Variants in DTWD2 observed in about 807,000 individuals in gnomAD.
DTWD2 encodes DTW motif tRNA-uridine aminocarboxypropyltransferase 2.
A neutral mutation model predicts 31.8 loss-of-function variants in DTWD2; 39 were observed. The observed-to-expected ratio is 1.22, with a 90% CI of 0.95 to 1.60. The LOEUF (loss-of-function observed/expected upper bound fraction) is 1.60, where lower values mean the gene tolerates loss of function less well. Ranked by LOEUF, DTWD2 falls within the 40% of genes most tolerant of loss-of-function variation. The probability of loss-of-function intolerance (pLI) is 0.00; values close to 1 mark genes in which losing one functional copy is unlikely to be tolerated. For synonymous variants in DTWD2, 180 were observed against 142.8 expected (o/e 1.26, Z -1.86); for missense variants, 515 against 381.5 (o/e 1.35, Z -2.92).
chr5:118,867,973 T>G (rs1452078486), intron 4 of DTWD2, among the ~76,000 whole-genome samples: 1 of 152,082 alleles, frequency 6.6e-6, no homozygotes, highest in Admixed American at 6.6e-5. Context: ...GTCAAAGCAA[T>G]CTTGAAAAAG....
At chr5:118,948,004 TAATA>T (rs1754378031) in intron 1 of DTWD2, among the ~76,000 whole-genome samples, 1 of 152,190 alleles carries the variant, frequency 6.6e-6, no homozygotes, top group African/African-American at 2.4e-5. Flanking sequence ...TGATGAATGA[TAATA>T]TATATTATAA....
At chr5:118,968,761 A>G (rs1415317402) in intron 1 of DTWD2, among the ~76,000 whole-genome samples, 1 of 152,206 alleles carries the variant, frequency 6.6e-6, no homozygotes, top group Non-Finnish European at 1.5e-5. Context: ...GAATTCCAGC[A>G]AGGCGGGAAA....
intron 4 of DTWD2, among the ~76,000 whole-genome samples, chr5:118,863,769 C>G (rs1245730461): frequency 6.6e-6 from 1 of 152,008 alleles, no homozygotes; most frequent in Admixed American, 6.6e-5. Flanking sequence ...ACCTAATAGG[C>G]CTTTAATAAA....
intron 4 of DTWD2, among the ~76,000 whole-genome samples, chr5:118,904,014 T>C (rs1401036492): frequency 2.0e-5 from 3 of 152,054 alleles, no homozygotes; most frequent in Non-Finnish European, 4.4e-5. Flanking sequence ...TAATGTACAC[T>C]ATAGTGTCTG....
chr5:118,984,543 G>A (rs1161073641), intron 1 of DTWD2, among the ~76,000 whole-genome samples: 1 of 152,026 alleles, frequency 6.6e-6, no homozygotes, highest in Non-Finnish European at 1.5e-5. Context: ...TCTAGGCCTA[G>A]TATGTGCCTG....
chr5:118,920,964 A>G (rs2149575252), intron 4 of DTWD2, among the ~76,000 whole-genome samples: 1 of 152,296 alleles, frequency 6.6e-6, no homozygotes. Context: ...GGAAGTAGGG[A>G]GGCAGAGAAC....
At chr5:118,969,422 T>C (rs977694137) in intron 1 of DTWD2, among the ~76,000 whole-genome samples, 14 of 152,138 alleles carry the variant, frequency 9.2e-5, no homozygotes, top group African/African-American at 2.9e-4. Flanking sequence ...TACAGGAGCA[T>C]TCAGGCCAAC....
Position 118,971,452 on chromosome 5 carries a change from C to T in DTWD2, c.218+16842G>A, listed in dbSNP as rs149069334. 7.0e-3 allele frequency among the ~76,000 whole-genome samples: 1,063 copies of T among 152,262 alleles called. 15 individuals are homozygous for T. Among genetic ancestry groups the T allele is most frequent in the African/African-American group, 0.024 (986 of 41,552 alleles). On this transcript the variant is annotated intron_variant, in intron 1 of 5. Coordinates refer to ENST00000510708, the MANE Select transcript of DTWD2 (RefSeq NM_173666.4). ...GAGCTAACTATCCTAAATATATATG[C>T]ACCCAATACAGTAGCACCCAGATTC...
rs191206843 is a variant in DTWD2, at chr5:118,889,427, A to G, written c.597+39110T>C. 8.2e-4 allele frequency among the ~76,000 whole-genome samples: 125 copies of G among 152,340 alleles called. No individual in the cohort carries two copies. The East Asian group carries it at 0.01, about 13-fold the overall frequency. Reference sequence around the variant, plus strand: ...ATTCGAGACAGCTATAAAAATGAATAAAGAAGCTCTTCATATACAGACACA... The same window carrying G: ...ATTCGAGACAGCTATAAAAATGAATGAAGAAGCTCTTCATATACAGACACA... On this transcript the variant is annotated intron_variant, in intron 4 of 5. Coordinates refer to ENST00000510708, the MANE Select transcript of DTWD2 (RefSeq NM_173666.4).
chr5:118,926,456 C>T lies in DTWD2; in HGVS notation c.597+2081G>A, dbSNP rs183815251. Among the ~76,000 whole-genome samples, 17 of 152,062 alleles carry T rather than the reference C, an allele frequency of 1.1e-4. No individual in the cohort carries two copies. The South Asian group carries it at 1.2e-3, about 11-fold the overall frequency. The stretch of plus-strand genomic sequence containing the variant: ...GGTACAGTGTACACTGCTCAGGTGA[C>T]GGGTGCACTAAAATCTCAGAATTCA... On this transcript the variant is annotated intron_variant, in intron 4 of 5. Transcript: ENST00000510708.
intron 1 of DTWD2, among the ~76,000 whole-genome samples, chr5:118,981,102 A>G (rs2149603883): frequency 6.6e-6 from 1 of 152,346 alleles, no homozygotes; most frequent in Middle Eastern, 3.4e-3. Flanking sequence ...CCAGACACAG[A>G]TAGACAAATA....
rs1368973195 is a variant in DTWD2, at chr5:118,837,971, T to G, written c.*2946A>C. On this transcript the variant is annotated 3_prime_UTR_variant, in exon 6 of 6. Transcript: ENST00000510708. ...ACTGGTGGTATAGTGAGGAGCTTAT[T>G]TCTTCCAAAATATATGAAAAATATT... 1 of 152,158 alleles carries G rather than the reference T, an allele frequency of 6.6e-6. No individual in the cohort carries two copies. Among genetic ancestry groups the G allele is most frequent in the Non-Finnish European group, 1.5e-5 (1 of 68,028 alleles). 9.4% of individuals were successfully genotyped at this position (152,158 alleles called of 1,614,324 possible).
chr5:118,929,179 T>C (rs1030362499), intron 3 of DTWD2, among the ~76,000 whole-genome samples: 7 of 152,260 alleles, frequency 4.6e-5, no homozygotes, highest in African/African-American at 1.4e-4. Context: ...TTCGGTTGCA[T>C]AGGCAAGCCA....
chr5:118,910,141 G>C (rs541054335), intron 4 of DTWD2, among the ~76,000 whole-genome samples: 13 of 152,250 alleles, frequency 8.5e-5, no homozygotes, highest in Admixed American at 5.2e-4. Flanking sequence ...AACATGGCCA[G>C]GGTGACAATT....
intron 1 of DTWD2, among the ~76,000 whole-genome samples, chr5:118,947,139 G>A (rs1252212187): frequency 6.6e-6 from 1 of 152,186 alleles, no homozygotes; most frequent in Non-Finnish European, 1.5e-5. Flanking sequence ...GCAGGAGCCA[G>A]AGCTAGCACT....
intron 4 of DTWD2, among the ~76,000 whole-genome samples, chr5:118,878,450 G>C (rs572740287): frequency 6.6e-6 from 1 of 152,256 alleles, no homozygotes; most frequent in African/African-American, 2.4e-5. Context: ...AGGATAACTG[G>C]CTAGTCATAT....
At chr5:118,886,791 CAAAAT>C (rs1752877816) in intron 4 of DTWD2, among the ~76,000 whole-genome samples, 1 of 152,146 alleles carries the variant, frequency 6.6e-6, no homozygotes, top group East Asian at 1.9e-4. Flanking sequence ...ACAATTATCT[CAAAAT>C]AAAAAGTTTA....
intron 3 of DTWD2, among the ~76,000 whole-genome samples, chr5:118,935,325 C>A (rs1249795327): frequency 6.6e-6 from 1 of 152,118 alleles, no homozygotes; most frequent in Non-Finnish European, 1.5e-5. Context: ...GTTGTGGAAG[C>A]CCCAACTTGA....
intron 5 of DTWD2, among the ~76,000 whole-genome samples, chr5:118,842,885 G>A (rs367589304): frequency 1.6e-4 from 25 of 151,806 alleles, no homozygotes; most frequent in East Asian, 1.6e-3. Context: ...AGGTCAAGGC[G>A]GCAGTGAGCC....
Sources: allele counts gnomAD v4.1 joint callset (sites outside exome capture counted in the v4.1 genomes callset), GRCh38; gene constraint gnomAD v4.1.1; transcripts MANE v1.5; gene names NCBI Gene and HGNC (gene_info 2026-07-23, HGNC 2026-07-21).